VAMP7: variants seen among roughly 807,000 people sequenced by gnomAD.
VAMP7 encodes vesicle associated membrane protein 7.
A neutral mutation model predicts 29.6 loss-of-function variants in VAMP7; 14 were observed. The ratio of observed to expected loss-of-function variants is 0.47; its 90% confidence interval spans 0.31 to 0.74. VAMP7 has a LOEUF of 0.74. VAMP7 is among the 30% of genes least tolerant of loss of function. The pLI is 0.05. For synonymous variants in VAMP7, 95 were observed against 88.1 expected, an observed-to-expected ratio of 1.08 and a Z score of -0.44; for missense variants, 223 against 262.4, an observed-to-expected ratio of 0.85 and a Z score of 1.04.
At chrX:155,886,685 G>A (rs1258613530) in intron 1 of VAMP7, among the ~76,000 whole-genome samples, 3 of 152,000 alleles carry the variant, frequency 2.0e-5, no homozygotes, top group Non-Finnish European at 4.4e-5. Flanking sequence ...TTGTCTAGTC[G>A]TTAAATATTC....
intron 3 of VAMP7, among the ~76,000 whole-genome samples, chrX:155,897,046 G>A (rs1325121623): frequency 6.6e-6 from 1 of 151,760 alleles, no homozygotes; most frequent in Non-Finnish European, 1.5e-5. Flanking sequence ...CTAGTCATAG[G>A]TCTAATAACT....
chrX:155,940,052 TTAAA>T (rs769613010), intron 7 of VAMP7, among the ~76,000 whole-genome samples: 26 of 49,708 alleles, frequency 5.2e-4, no homozygotes, highest in African/African-American at 1.8e-3. Flanking sequence ...TGTAGTTATT[TTAAA>T]TAAAGACATT....
chrX:155,937,059 A>G (rs909061649), intron 6 of VAMP7, among the ~76,000 whole-genome samples: 1 of 152,248 alleles, frequency 6.6e-6, no homozygotes, highest in African/African-American at 2.4e-5. Context: ...CACAGATTCA[A>G]CACAATCCCT....
At chrX:155,882,565 G>C (rs1248099448) in intron 1 of VAMP7, among the ~76,000 whole-genome samples, 1 of 152,046 alleles carries the variant, frequency 6.6e-6, no homozygotes, top group Non-Finnish European at 1.5e-5. Context: ...TCTCCTCCAA[G>C]GTTATTGCAT....
rs1315497352 is a variant in VAMP7 at position 155,902,776 on chromosome X, T to C, written c.433+2189T>C. On this transcript the variant is annotated intron_variant, in intron 5 of 7. Transcript: ENST00000286448. ...TGCTGCTGGATTCGGTTTGCCAGTATTTTATTGAGGATTTTTGCATCAATG... is the reference window on the plus strand; with the variant it reads ...TGCTGCTGGATTCGGTTTGCCAGTACTTTATTGAGGATTTTTGCATCAATG... Among the ~76,000 whole-genome samples the C allele has an allele frequency of 4.0e-5, 6 of 149,684 alleles. No individual in the cohort carries two copies. The East Asian group carries it at 1.2e-3, about 30-fold the overall frequency.
chrX:155,885,913 G>A (rs1287755767), intron 1 of VAMP7, among the ~76,000 whole-genome samples: 1 of 152,102 alleles, frequency 6.6e-6, no homozygotes, highest in Non-Finnish European at 1.5e-5. Context: ...GTTGTTTTAA[G>A]CAACCAAGTT....
At chrX:155,922,296 A>G (rs146023934) in intron 6 of VAMP7, among the ~76,000 whole-genome samples, 8 of 152,090 alleles carry the variant, frequency 5.3e-5, no homozygotes, top group East Asian at 3.9e-4. Flanking sequence ...ATCCTTGCCT[A>G]TTGACCATCT....
At chrX:155,883,225 CCTT>C (rs1263051049) in intron 1 of VAMP7, among the ~76,000 whole-genome samples, 2 of 152,158 alleles carry the variant, frequency 1.3e-5, no homozygotes, top group Non-Finnish European at 2.9e-5. Context: ...TTATACAAGG[CCTT>C]CTTTATGTAA....
intron 6 of VAMP7, among the ~76,000 whole-genome samples, chrX:155,929,442 A>T (rs1319899384): frequency 6.6e-6 from 1 of 152,116 alleles, no homozygotes; most frequent in Non-Finnish European, 1.5e-5. Context: ...GCCTTTAAAC[A>T]GTTGCCCCCC....
intron 5 of VAMP7, among the ~76,000 whole-genome samples, chrX:155,901,237 G>A (rs929965203): frequency 7.2e-5 from 11 of 151,986 alleles, no homozygotes; most frequent in African/African-American, 9.7e-5. Context: ...AAACGTTTTC[G>A]TGGTTCTTGA....
chrX:155,904,858 G>A (rs956618236), intron 5 of VAMP7, among the ~76,000 whole-genome samples: 8 of 149,236 alleles, frequency 5.4e-5, no homozygotes, highest in African/African-American at 2.0e-4. Flanking sequence ...ATGCTGCTAT[G>A]AACATTTGTG....
chrX:155,888,183 C>A (rs751093551), intron 1 of VAMP7, among the ~76,000 whole-genome samples: 1 of 152,308 alleles, frequency 6.6e-6, no homozygotes, highest in African/African-American at 2.4e-5. Flanking sequence ...GCACCTTCTG[C>A]TCTGTGTGCT....
At chrX:155,882,749 G>A in intron 1 of VAMP7, among the ~76,000 whole-genome samples, 1 of 152,258 alleles carries the variant, frequency 6.6e-6, no homozygotes, top group Non-Finnish European at 1.5e-5. Context: ...ACCATTTATA[G>A]TATATTTTAA....
intron 2 of VAMP7, among the ~76,000 whole-genome samples, chrX:155,892,042 A>G (rs963450168): frequency 6.6e-6 from 1 of 152,152 alleles, no homozygotes; most frequent in Non-Finnish European, 1.5e-5. Context: ...CCACTCATGT[A>G]TTATGAGCCA....
At position 155,897,552 on chromosome X, in the gene VAMP7, A is replaced by C. The variant is rs144128450; in HGVS notation, c.205-560A>C. On this transcript the variant is annotated intron_variant, in intron 3 of 7. Transcript: ENST00000286448. The stretch of plus-strand genomic sequence containing the variant: ...ATACACACATATACATGTATACATA[A>C]ACACACATACACACATTCATTTTTT... Among the ~76,000 whole-genome samples the C allele has an allele frequency of 6.0e-3, 911 of 152,256 alleles. 12 individuals are homozygous for C. The highest frequency in any genetic ancestry group is 0.021 in the African/African-American group (870 of 41,566).
At chrX:155,919,218 TG>T (rs1331949207) in intron 5 of VAMP7, among the ~76,000 whole-genome samples, 2 of 152,082 alleles carry the variant, frequency 1.3e-5, no homozygotes, top group African/African-American at 4.8e-5. Flanking sequence ...GGCATTGTTT[TG>T]GTTTTGTTGG....
At chrX:155,903,965 A>C (rs1274522509) in intron 5 of VAMP7, among the ~76,000 whole-genome samples, 2 of 152,078 alleles carry the variant, frequency 1.3e-5, no homozygotes, top group Admixed American at 6.6e-5. Flanking sequence ...CAAATGTCCA[A>C]CAATGATAGA....
rs1224322450 is a variant in VAMP7, at chrX:155,889,567, C to A, written c.101C>A (p.Ala34Asp). 1 of 1,613,890 alleles carries A rather than the reference C, an allele frequency of 6.2e-7. No homozygotes were observed. Among genetic ancestry groups the A allele is most frequent in the African/African-American group, 1.3e-5 (1 of 75,018 alleles). ...CTGGAGGTGACAGAGCAGATTCTGG[C>A]TAAGATACCTTCTGAAAATAACAAA... ...NFLEVTEQIL[A>D]KIPSENNKLT... The change falls in exon 2 of 8, where the codon GCT becomes GAT. Residue 34 changes from alanine to aspartate, a missense_variant. Transcript: ENST00000286448.
intron 1 of VAMP7, among the ~76,000 whole-genome samples, chrX:155,884,262 G>C (rs2065840262): frequency 6.6e-6 from 1 of 151,882 alleles, no homozygotes; most frequent in South Asian, 2.1e-4. Context: ...CAAGTAGCTG[G>C]AATTACAGGC....
Sources: gnomAD v4.1 joint callset for allele counts (sites outside exome capture counted in the v4.1 genomes callset) on GRCh38, gnomAD v4.1.1 for gene constraint, MANE v1.5 for transcripts, NCBI Gene and HGNC (gene_info 2026-07-23, HGNC 2026-07-21) for gene names.